The following MSH3 variants were observed in gnomAD, a reference collection of about 807,000 sequenced individuals.
MSH3 encodes mutS homolog 3, also known as DNA mismatch repair protein Msh3.
Under a neutral mutation model 123.3 loss-of-function variants are expected in MSH3, and 106 were observed. That is an observed-to-expected ratio of 0.86 (90% CI 0.73 to 1.01). The LOEUF (loss-of-function observed/expected upper bound fraction) is 1.01. Among genes scored for constraint, MSH3 ranks in the 50% least tolerant of loss-of-function variants. The pLI, the probability that MSH3 is intolerant of heterozygous loss-of-function variation, is 0.00. For synonymous variants in MSH3, 515 were observed against 481.4 expected, an observed-to-expected ratio of 1.07 and a Z score of -0.91; for missense variants, 1,459 against 1,347.6, an observed-to-expected ratio of 1.08 and a Z score of -1.29.
At chr5:80,723,564 G>A (rs975788980) in intron 8 of MSH3, among the ~76,000 whole-genome samples, 1 of 152,108 alleles carries the variant, frequency 6.6e-6, no homozygotes, top group Admixed American at 6.5e-5. Context: ...CTTAGCTGCT[G>A]TTAAAATGTA....
intron 6 of MSH3, 44 bp from the exon 7 acceptor site, chr5:80,674,939 A>G: frequency 7.1e-7 from 1 of 1,411,642 alleles, no homozygotes; most frequent in Non-Finnish European, 9.8e-7. Context: ...GCATATTAGG[A>G]TTTAGAATTT....
chr5:80,691,277 AAT>A (rs1241517965), intron 8 of MSH3, among the ~76,000 whole-genome samples: 1 of 151,980 alleles, frequency 6.6e-6, no homozygotes, highest in Non-Finnish European at 1.5e-5. Flanking sequence ...TATAAAAATG[AAT>A]AGTGTTTCAG....
intron 21 of MSH3, among the ~76,000 whole-genome samples, chr5:80,863,175 A>G (rs1746042148): frequency 6.6e-6 from 1 of 152,194 alleles, no homozygotes; most frequent in South Asian, 2.1e-4. Flanking sequence ...CTACATATAC[A>G]TGGAATATTC....
chr5:80,721,087 A>G (rs1190350709), intron 8 of MSH3, among the ~76,000 whole-genome samples: 8 of 152,336 alleles, frequency 5.3e-5, no homozygotes, highest in African/African-American at 1.9e-4. Flanking sequence ...TACCTTTTAC[A>G]GAATTTCAAA....
intron 17 of MSH3, among the ~76,000 whole-genome samples, chr5:80,781,974 T>C (rs1032442687): frequency 1.3e-5 from 2 of 152,166 alleles, no homozygotes; most frequent in South Asian, 2.1e-4. Flanking sequence ...AAGAAAATCA[T>C]GTAAAGTAAA....
At chr5:80,716,262 C>T (rs1442103376) in intron 8 of MSH3, among the ~76,000 whole-genome samples, 1 of 152,074 alleles carries the variant, frequency 6.6e-6, no homozygotes, top group Non-Finnish European at 1.5e-5. Flanking sequence ...ATATTTATTT[C>T]TTTATTAGAT....
rs1743749412 is a variant in MSH3, at chr5:80,747,805, T to C, written c.1763+3190T>C. On this transcript the variant is annotated intron_variant, in intron 12 of 23. Coordinates refer to ENST00000265081, the MANE Select transcript of MSH3 (RefSeq NM_002439.5). ...GTAGAGTAACATGCTGTCTGGGTTT[T>C]AGCGTAGGAGCAGTATACTGTACCA... 2.0e-5 allele frequency among the ~76,000 whole-genome samples: 3 copies of C among 152,352 alleles called. No homozygotes were observed. In the South Asian group the frequency reaches 6.2e-4, roughly 32 times the overall value.
At position 80,792,709 on chromosome 5, in the gene MSH3, TTGAAAC is replaced by T; in HGVS notation, c.2544-23_2544-18del. On this transcript the variant is annotated intron_variant, in intron 18 of 23. Coordinates refer to ENST00000265081, the MANE Select transcript of MSH3 (RefSeq NM_002439.5). ...TAAGGCTATTTCCATGCCTAGTAAA[TTGAAAC>T]ATATTTCTTTTTTGCAGACCAACTG... 7.0e-7 allele frequency: 1 copy of T among 1,438,124 alleles called. No individual in the cohort carries two copies. Among genetic ancestry groups the T allele is most frequent in the South Asian group, 1.2e-5 (1 of 86,834 alleles). The allele number at this position is 1,438,124 out of a possible 1,614,324, so 89.1% of individuals were successfully genotyped here.
In MSH3 at chr5:80,654,943, G is replaced by C. The variant is rs758709284; in HGVS notation, c.216G>C (p.Pro72=). 1 of 1,471,414 alleles carries C rather than the reference G, an allele frequency of 6.8e-7. No individual in the cohort carries two copies. The allele number at this position is 1,471,414 out of a possible 1,614,324, so 91.1% of individuals were successfully genotyped here. A position where few individuals can be genotyped will look rare whatever the true frequency, so the allele number is the denominator to read the frequency against. ...CAGCGCCCCCAGCTCCCGCCTTCCC[G>C]CCCCAGCTGCCGCCGCACATAGTAG... ...APPAPPAPAF[P]PQLPPHIATE... Residue 72 remains proline (P), a synonymous_variant, in exon 1 of 24, where the codon CCG becomes CCC. Coordinates refer to ENST00000265081, the MANE Select transcript of MSH3 (RefSeq NM_002439.5).
chr5:80,830,857 A>G (rs1427637423), intron 20 of MSH3, among the ~76,000 whole-genome samples: 1 of 152,244 alleles, frequency 6.6e-6, no homozygotes, highest in Admixed American at 6.5e-5. Flanking sequence ...TTCCACGGAA[A>G]TTGAAAGATT....
At chr5:80,659,046 C>T (rs1315695360) in intron 2 of MSH3, among the ~76,000 whole-genome samples, 1 of 152,074 alleles carries the variant, frequency 6.6e-6, no homozygotes, top group Non-Finnish European at 1.5e-5. Flanking sequence ...CCAGCCTGGC[C>T]CACATGGTGA....
intron 9 of MSH3, among the ~76,000 whole-genome samples, chr5:80,727,981 T>C (rs1561457512): frequency 6.6e-6 from 1 of 152,050 alleles, no homozygotes; most frequent in East Asian, 1.9e-4. Flanking sequence ...AAGTACAAAA[T>C]ATCTTAAGTA....
chr5:80,731,911 T>G (rs1323698369), intron 10 of MSH3, among the ~76,000 whole-genome samples: 1 of 152,212 alleles, frequency 6.6e-6, no homozygotes, highest in Non-Finnish European at 1.5e-5. Flanking sequence ...TAAATTTCAC[T>G]TGAGTTGACT....
chr5:80,710,703 T>TA (rs1750840256), intron 8 of MSH3, among the ~76,000 whole-genome samples: 1 of 146,056 alleles, frequency 6.8e-6, no homozygotes, highest in Non-Finnish European at 1.5e-5. Flanking sequence ...AGATTCGTGG[T>TA]AAAAAGACTT....
At chr5:80,690,684 T>C (rs1561443788) in intron 8 of MSH3, among the ~76,000 whole-genome samples, 3 of 152,196 alleles carry the variant, frequency 2.0e-5, no homozygotes, top group Admixed American at 6.5e-5. Context: ...GTGCTCCTTA[T>C]TACTAATGTG....
chr5:80,678,148 G>C (rs1431049352), intron 7 of MSH3, among the ~76,000 whole-genome samples: 2 of 152,154 alleles, frequency 1.3e-5, no homozygotes, highest in African/African-American at 2.4e-5. Flanking sequence ...CCTGTAACTA[G>C]CCCCCATGGC....
chr5:80,714,669 G>C (rs1450934868), intron 8 of MSH3, among the ~76,000 whole-genome samples: 1 of 152,008 alleles, frequency 6.6e-6, no homozygotes, highest in African/African-American at 2.4e-5. Flanking sequence ...AAACTTAATG[G>C]GTTTCTAAAT....
rs1580033721 is a variant in MSH3 at position 80,767,958 on chromosome 5, T to C, written c.1922T>C (p.Ile641Thr). ...TGTTCTACCCAAGAGTTCTTCTTGA[T>C]TGTCAAAACTTTATATCACCTAAAG... ...KKCSTQEFFL[I>T]VKTLYHLKSE... The change falls in exon 14 of 24, where the codon ATT becomes ACT. Residue 641 changes from isoleucine (I) to threonine (T), a missense_variant. Physicochemically the swap from Ile to Thr is moderately conservative, Grantham distance 89. Coordinates refer to ENST00000265081, the MANE Select transcript of MSH3 (RefSeq NM_002439.5). The C allele has an allele frequency of 2.5e-6, 4 of 1,612,358 alleles. No individual in the cohort carries two copies. The highest frequency in any genetic ancestry group is 3.4e-6 in the Non-Finnish European group (4 of 1,178,500).
intron 8 of MSH3, among the ~76,000 whole-genome samples, chr5:80,711,372 C>T (rs1423625595): frequency 6.6e-6 from 1 of 152,192 alleles, no homozygotes; most frequent in African/African-American, 2.4e-5. Context: ...AGTTTTCAGT[C>T]CCTTGTGGTA....
Sources: allele counts gnomAD v4.1 joint callset (sites outside exome capture counted in the v4.1 genomes callset), GRCh38; gene constraint gnomAD v4.1.1; transcripts MANE v1.5; gene names NCBI Gene and HGNC (gene_info 2026-07-23, HGNC 2026-07-21).